The following RNF130 variants were observed in gnomAD, a reference collection of about 807,000 sequenced individuals.
RNF130 encodes ring finger protein 130.
In RNF130, 21 loss-of-function variants were observed where a neutral mutation model predicts 44.6. That is an observed-to-expected ratio of 0.47 (90% CI 0.33 to 0.68). The LOEUF is 0.68. Among genes scored for constraint, RNF130 ranks in the 30% least tolerant of loss-of-function variants. The pLI, the probability that RNF130 is intolerant of heterozygous loss-of-function variation, is 0.02. For missense variants in RNF130, 479 were observed against 560.6 expected (o/e 0.85, Z 1.47); for synonymous variants, 214 against 210.4 (o/e 1.02, Z -0.15).
At chr5:179,968,687 A>AAG (rs975530327) in intron 6 of RNF130, among the ~76,000 whole-genome samples, 21 of 151,224 alleles carry the variant, frequency 1.4e-4, no homozygotes, top group Middle Eastern at 3.4e-3. Context: ...AAAAAAAAAA[A>AAG]AGAGAGAAAG....
At chr5:179,973,629 T>G (rs532704310) in intron 5 of RNF130, among the ~76,000 whole-genome samples, 2 of 152,190 alleles carry the variant, frequency 1.3e-5, no homozygotes, top group Non-Finnish European at 2.9e-5. Flanking sequence ...CCCGCACGCC[T>G]GACCGCGCTC....
At chr5:180,036,768 C>T (rs898848548) in intron 2 of RNF130, among the ~76,000 whole-genome samples, 1 of 152,100 alleles carries the variant, frequency 6.6e-6, no homozygotes, top group Non-Finnish European at 1.5e-5. Flanking sequence ...AAGTTTTTCT[C>T]TAATGATTAT....
At chr5:180,041,927 G>A (rs749850739) in intron 1 of RNF130, among the ~76,000 whole-genome samples, 11 of 152,152 alleles carry the variant, frequency 7.2e-5, no homozygotes, top group Non-Finnish European at 1.3e-4. Context: ...AATTAGCTGG[G>A]TGTGGTGGGG....
intron 2 of RNF130, among the ~76,000 whole-genome samples, chr5:180,039,311 C>T (rs1178128237): frequency 6.6e-6 from 1 of 151,940 alleles, no homozygotes; most frequent in African/African-American, 2.4e-5. Context: ...GTGATCTCAG[C>T]TCACTGCAAC....
chr5:179,915,898 T>G (rs1234065596), exon 8 of RNF130: 1 of 152,298 alleles, frequency 6.6e-6, no homozygotes, highest in Non-Finnish European at 1.5e-5. Context: ...CTCTTATCAT[T>G]CGCTCTCACA....
intron 1 of RNF130, among the ~76,000 whole-genome samples, chr5:180,055,950 G>A (rs1764809305): frequency 6.6e-6 from 1 of 152,006 alleles, no homozygotes; most frequent in Non-Finnish European, 1.5e-5. Context: ...CAGGCATGGT[G>A]GTGGGCACCT....
rs555077313 is a variant in RNF130 at position 180,013,993 on chromosome 5, C to A, written c.443-682G>T. Among the ~76,000 whole-genome samples, 48 of 152,302 alleles carry A rather than the reference C, an allele frequency of 3.2e-4. 1 individual carries two copies. The highest frequency in any genetic ancestry group is 1.2e-3 in the African/African-American group (48 of 41,560). Reference sequence around the variant, plus strand: ...TGTCCAGACTTGAGTGGAGTTGAGGCTCCTTGCTAGTTTACCCCAGAACTC... The same window carrying A: ...TGTCCAGACTTGAGTGGAGTTGAGGATCCTTGCTAGTTTACCCCAGAACTC... On this transcript the variant is annotated intron_variant, in intron 2 of 8. Transcript: ENST00000521389.
At chr5:180,056,848 C>T (rs1362054569) in intron 1 of RNF130, among the ~76,000 whole-genome samples, 2 of 152,134 alleles carry the variant, frequency 1.3e-5, no homozygotes, top group African/African-American at 2.4e-5. Context: ...CCGACAAAAC[C>T]ACTGCTACAT....
At chr5:179,992,731 T>A (rs1385041894) in intron 3 of RNF130, among the ~76,000 whole-genome samples, 1 of 151,134 alleles carries the variant, frequency 6.6e-6, no homozygotes, top group Non-Finnish European at 1.5e-5. Flanking sequence ...ATGGTTTATT[T>A]ATTATTATTA....
At chr5:179,922,632 T>C (rs1761651528) in intron 7 of RNF130, among the ~76,000 whole-genome samples, 1 of 151,302 alleles carries the variant, frequency 6.6e-6, no homozygotes, top group South Asian at 2.1e-4. Flanking sequence ...TGTTATCAAG[T>C]ATGAGGGTTT....
rs916169285 is a variant in RNF130 at position 180,040,614 on chromosome 5, C to T, written c.281G>A (p.Arg94Gln). ...TTTGATATTAGGAGGGACAAAGAAC[C>T]GGGTTTGTGGATCACAGCCCAGATG... Reference protein sequence around the residue: ...ADHLGCDPQTRFFVPPNIKQW... With the variant: ...ADHLGCDPQTQFFVPPNIKQW... Residue 94 changes from arginine (R) to glutamine (Q), a missense_variant, in exon 2 of 9, where the codon CGG (arginine) becomes CAG (glutamine). By Grantham distance (43) the Arg-to-Gln change is conservative. Coordinates refer to ENST00000521389, the MANE Select transcript of RNF130 (RefSeq NM_018434.6). 9 of 1,614,000 alleles carry T rather than the reference C, an allele frequency of 5.6e-6. No homozygotes were observed. The East Asian group carries it at 8.9e-5, about 16-fold the overall frequency.
exon 8 of RNF130, chr5:179,913,660 T>TC (rs1232917872): frequency 6.6e-6 from 1 of 152,130 alleles, no homozygotes; most frequent in Non-Finnish European, 1.5e-5. Flanking sequence ...CCTCTCTTCT[T>TC]CCAAGCTCAG....
At position 180,031,257 on chromosome 5, in the gene RNF130, T is replaced by C. The variant is rs979467928; in HGVS notation, c.442+9196A>G. On this transcript the variant is annotated intron_variant, in intron 2 of 8. Transcript: ENST00000521389. Reference sequence around the variant, plus strand: ...CTCCTAGCACTTTGGGAGGCTGAGGTGGGTGGATCACCTGAGGTCAGGGGT... The same window carrying C: ...CTCCTAGCACTTTGGGAGGCTGAGGCGGGTGGATCACCTGAGGTCAGGGGT... Among the ~76,000 whole-genome samples the C allele has an allele frequency of 4.6e-5, 7 of 151,968 alleles. 1 individual carries two copies. The highest frequency in any genetic ancestry group is 1.0e-4 in the Non-Finnish European group (7 of 67,968).
intron 7 of RNF130, among the ~76,000 whole-genome samples, chr5:179,931,944 G>C (rs1761813995): frequency 6.6e-6 from 1 of 152,148 alleles, no homozygotes; most frequent in Admixed American, 6.6e-5. Flanking sequence ...CCACTTCCCA[G>C]TTTTCCTTTG....
At chr5:179,982,556 G>A (rs1762862054) in intron 3 of RNF130, among the ~76,000 whole-genome samples, 1 of 135,766 alleles carries the variant, frequency 7.4e-6, no homozygotes, top group South Asian at 2.2e-4. Context: ...ACTTGGTATG[G>A]TGAGATTTTG....
chr5:179,979,983 G>T, intron 4 of RNF130, 146 bp downstream of exon 4: 1 of 591,296 alleles, frequency 1.7e-6, no homozygotes, highest in Non-Finnish European at 3.0e-6. Context: ...ACTGTAAGAA[G>T]GTAGTTTAAA....
At chr5:179,985,416 G>C (rs1368174937) in intron 3 of RNF130, among the ~76,000 whole-genome samples, 1 of 151,944 alleles carries the variant, frequency 6.6e-6, no homozygotes, top group Non-Finnish European at 1.5e-5. Flanking sequence ...TGCATACTAA[G>C]CCGTAAGGGT....
intron 2 of RNF130, 59 bp downstream of exon 2, chr5:180,040,394 C>A: frequency 6.7e-7 from 1 of 1,486,282 alleles, no homozygotes. Context: ...GAATGCTTAC[C>A]TATAAAGCAA....
Position 180,051,546 on chromosome 5 carries a change from G to T in RNF130, c.248-10899C>A, listed in dbSNP as rs1344075432. Among the ~76,000 whole-genome samples the T allele has an allele frequency of 2.6e-5, 4 of 152,252 alleles. No homozygotes were observed. In the East Asian group the frequency reaches 7.7e-4, roughly 29 times the overall value. ...GCCACCGCGCCCCGGCCTTTGTACA[G>T]AATTTTTAAGAAGGTGGCAGCAAAA... On this transcript the variant is annotated intron_variant, in intron 1 of 8. Coordinates refer to ENST00000521389, the MANE Select transcript of RNF130 (RefSeq NM_018434.6).
Sources: gnomAD v4.1 joint callset for allele counts (sites outside exome capture counted in the v4.1 genomes callset) on GRCh38, gnomAD v4.1.1 for gene constraint, MANE v1.5 for transcripts, NCBI Gene and HGNC (gene_info 2026-07-23, HGNC 2026-07-21) for gene names.